NPSR1: variants seen among roughly 807,000 people sequenced by gnomAD.
NPSR1 encodes neuropeptide S receptor 1, also known as neuropeptide S receptor.
Under a neutral mutation model 46.9 loss-of-function variants are expected in NPSR1, and 48 were observed. The observed-to-expected ratio is 1.02, with a 90% CI of 0.81 to 1.30. NPSR1 has a LOEUF of 1.30. NPSR1 is among the 50% of genes most tolerant of loss of function. The pLI is 0.00. For synonymous variants in NPSR1, 176 were observed against 168.1 expected (o/e 1.05, Z -0.36); for missense variants, 450 against 449.5 (o/e 1.00, Z -0.01).
chr7:34,750,737 G>A (rs17777754), intron 2 of NPSR1: 209,158 of 692,372 alleles, frequency 0.3, 32,618 homozygotes, highest in African/African-American at 0.36. Flanking sequence ...CATCTTGCAA[G>A]GGCCTTGCTC....
intron 2 of NPSR1, among the ~76,000 whole-genome samples, chr7:34,766,600 TCTCA>T (rs994668451): frequency 2.0e-5 from 3 of 150,794 alleles, no homozygotes; most frequent in African/African-American, 7.3e-5. Context: ...TGAGATGGAG[TCTCA>T]CTCTGTTTCC....
chr7:34,677,626 G>A (rs1379923), intron 1 of NPSR1, among the ~76,000 whole-genome samples: 36,610 of 152,160 alleles, frequency 0.24, 4,641 homozygotes, highest in South Asian at 0.33. Flanking sequence ...CCCACAAGGT[G>A]TAGAGTAGGT....
chr7:34,849,543 GC>G (rs1562772262), intron 8 of NPSR1, 21 bp from the exon 9 acceptor site: 1 of 1,613,738 alleles, frequency 6.2e-7, no homozygotes, highest in Non-Finnish European at 8.5e-7. Context: ...TTCCCTCCCT[GC>G]TTTATTTTGA....
chr7:34,812,468 G>A (rs1053165251), intron 4 of NPSR1, among the ~76,000 whole-genome samples: 1 of 152,180 alleles, frequency 6.6e-6, no homozygotes, highest in Non-Finnish European at 1.5e-5. Flanking sequence ...GGAGGCCTTA[G>A]GAGCACTTCC....
chr7:34,861,513 A>G (rs1562777015), intron 8 of NPSR1, among the ~76,000 whole-genome samples: 1 of 151,804 alleles, frequency 6.6e-6, no homozygotes, highest in Non-Finnish European at 1.5e-5. Context: ...CTTCTAACAT[A>G]CTGTACAATG....
chr7:34,827,469 A>T lies in NPSR1; in HGVS notation c.547A>T (p.Ile183Phe). 6.2e-7 allele frequency: 1 copy of T among 1,613,922 alleles called. No individual in the cohort carries two copies. The highest frequency in any genetic ancestry group is 8.5e-7 in the Non-Finnish European group (1 of 1,179,950). Residue 183 changes from isoleucine (I) to phenylalanine (F), a missense_variant, in exon 5 of 9, where the codon ATC becomes TTC. By Grantham distance (21) the Ile-to-Phe change is conservative. Coordinates refer to ENST00000360581, the MANE Select transcript of NPSR1 (RefSeq NM_207172.2). ...LSFLFSIPTL[I>F]IFGKRTLSNG... ...TTTTCTGTTCTCCATTCCCACCCTG[A>T]TCATATTTGGGAAGAGGACACTGTC...
At chr7:34,811,174 A>G (rs1480754770) in intron 3 of NPSR1, among the ~76,000 whole-genome samples, 3 of 152,166 alleles carry the variant, frequency 2.0e-5, no homozygotes, top group East Asian at 1.9e-4. Context: ...TCCATAGGCC[A>G]GGAAGAGTCA....
In NPSR1 at chr7:34,848,502, T is replaced by A. The variant is rs1342332441; in HGVS notation, c.864T>A (p.Ser288Arg). ...IIILAFICCW[S>R]PYFLFDILDN... ...CCCCAGCCTTCATCTGCTGTTGGAGTCCATACTTCCTGTTTGACATTTTGG... is the reference window on the plus strand; with the variant it reads ...CCCCAGCCTTCATCTGCTGTTGGAGACCATACTTCCTGTTTGACATTTTGG... The change falls in exon 8 of 9, where the codon AGT becomes AGA. Residue 288 changes from serine to arginine, a missense_variant. Coordinates refer to ENST00000360581, the MANE Select transcript of NPSR1 (RefSeq NM_207172.2). 6.2e-7 allele frequency: 1 copy of A among 1,614,050 alleles called. No homozygotes were observed.
intron 2 of NPSR1, among the ~76,000 whole-genome samples, chr7:34,755,073 A>G (rs1232670878): frequency 6.6e-6 from 1 of 152,260 alleles, no homozygotes; most frequent in Non-Finnish European, 1.5e-5. Context: ...TCTTAGGAAT[A>G]AAATGCTGCT....
At chr7:34,740,696 G>C (rs538690909) in intron 2 of NPSR1, among the ~76,000 whole-genome samples, 1 of 152,288 alleles carries the variant, frequency 6.6e-6, no homozygotes, top group African/African-American at 2.4e-5. Flanking sequence ...GTGTGTGTTT[G>C]GGGGTGGACA....
chr7:34,830,556 T>G (rs1028315212), intron 5 of NPSR1, among the ~76,000 whole-genome samples: 3 of 152,244 alleles, frequency 2.0e-5, no homozygotes, highest in Non-Finnish European at 4.4e-5. Context: ...ATTCTCTATC[T>G]TTAGAAATTA....
At chr7:34,681,301 T>C (rs1006449170) in intron 1 of NPSR1, among the ~76,000 whole-genome samples, 1 of 152,212 alleles carries the variant, frequency 6.6e-6, no homozygotes, top group Non-Finnish European at 1.5e-5. Flanking sequence ...AGAAGATTGA[T>C]GCACAGCTGT....
At chr7:34,832,175 AG>A (rs954914686) in intron 5 of NPSR1, among the ~76,000 whole-genome samples, 2 of 152,250 alleles carry the variant, frequency 1.3e-5, no homozygotes, top group Non-Finnish European at 2.9e-5. Flanking sequence ...CAGATTATGG[AG>A]TCATTTTGCA....
chr7:34,787,206 T>C (rs1427166666), intron 3 of NPSR1, among the ~76,000 whole-genome samples: 1 of 152,120 alleles, frequency 6.6e-6, no homozygotes, highest in African/African-American at 2.4e-5. Context: ...GTATTATCAC[T>C]TGATGCTTTA....
intron 3 of NPSR1, among the ~76,000 whole-genome samples, chr7:34,783,987 C>A (rs1428670008): frequency 6.6e-6 from 1 of 151,998 alleles, no homozygotes; most frequent in East Asian, 1.9e-4. Flanking sequence ...ACCACCAAAC[C>A]TATTTTCCAA....
At chr7:34,811,899 A>C (rs542725241) in intron 4 of NPSR1, 36 bp downstream of exon 4, 1 of 1,391,930 alleles carries the variant, frequency 7.2e-7, no homozygotes. Context: ...TTCATAAAGA[A>C]CTGTCCTTGA....
chr7:34,763,351 A>T (rs1406673306), intron 2 of NPSR1, among the ~76,000 whole-genome samples: 2 of 152,204 alleles, frequency 1.3e-5, no homozygotes, highest in Non-Finnish European at 2.9e-5. Flanking sequence ...CCCATGCTAC[A>T]GTCAGCCAAT....
chr7:34,747,129 CAA>C lies in NPSR1; in HGVS notation c.281-31316_281-31315del, dbSNP rs5883471. Among the ~76,000 whole-genome samples the C allele has an allele frequency of 4.2e-3, 449 of 106,950 alleles. 3 individuals are homozygous for C. The highest frequency in any genetic ancestry group is 0.015 in the African/African-American group (382 of 26,194). 70.2% of individuals were successfully genotyped at this position (106,950 alleles called of 152,430 possible). ...ACAGAGCAAGACTCCACCAAAAAAACAAAAAAAAAAAAAAAAAAGAGGCATTT... is the reference window on the plus strand; with the variant it reads ...ACAGAGCAAGACTCCACCAAAAAAACAAAAAAAAAAAAAAAAGAGGCATTT... On this transcript the variant is annotated intron_variant, in intron 2 of 8. Coordinates refer to ENST00000360581, the MANE Select transcript of NPSR1 (RefSeq NM_207172.2).
chr7:34,772,299 T>C (rs1370122190), intron 2 of NPSR1, among the ~76,000 whole-genome samples: 1 of 152,174 alleles, frequency 6.6e-6, no homozygotes, highest in African/African-American at 2.4e-5. Context: ...GCAATAAAAA[T>C]AAACTATTGG....
Sources: gnomAD v4.1 joint callset for allele counts (sites outside exome capture counted in the v4.1 genomes callset) on GRCh38, gnomAD v4.1.1 for gene constraint, MANE v1.5 for transcripts, NCBI Gene and HGNC (gene_info 2026-07-23, HGNC 2026-07-21) for gene names.